UBE2D3: variants seen among roughly 807,000 people sequenced by gnomAD.
The protein encoded by UBE2D3 is ubiquitin conjugating enzyme E2 D3.
In UBE2D3, 2 loss-of-function variants were observed where a neutral mutation model predicts 22.8. The observed-to-expected ratio is 0.09, with a 90% CI of 0.04 to 0.28. The LOEUF (loss-of-function observed/expected upper bound fraction) is 0.28, where lower values mean the gene tolerates loss of function less well. UBE2D3 is among the 10% of genes least tolerant of loss of function. UBE2D3 has a pLI of 1.00. For synonymous variants in UBE2D3, 56 were observed against 60.4 expected (o/e 0.93, Z 0.34); for missense variants, 27 against 182.5 (o/e 0.15, Z 4.91).
intron 1 of UBE2D3, among the ~76,000 whole-genome samples, chr4:102,864,766 G>T (rs1011565728): frequency 1.4e-4 from 22 of 152,256 alleles, no homozygotes; most frequent in African/African-American, 4.8e-4. Flanking sequence ...AGCTTATCTT[G>T]CTAGATATTA....
upstream of UBE2D3, among the ~76,000 whole-genome samples, chr4:102,830,560 A>G (rs550776974): frequency 8.5e-5 from 13 of 152,330 alleles, no homozygotes; most frequent in South Asian, 2.5e-3. Context: ...ACATGAGAAA[A>G]TAGAAAGGAT....
rs112445335 is a variant in UBE2D3, at chr4:102,848,156, C to T, written c.-129+20559G>A. Among the ~76,000 whole-genome samples, 1,466 of 152,210 alleles carry T rather than the reference C, an allele frequency of 9.6e-3. 10 individuals are homozygous for T. The highest frequency in any genetic ancestry group is 0.014 in the Non-Finnish European group (925 of 68,002). On this transcript the variant is annotated intron_variant, in intron 1 of 7. Transcript: ENST00000338145. ...TAATCTTTATAATTACTATGGTTAT[C>T]ATGGTGATACACTCCTCACCTGCTT...
At chr4:102,832,236 C>A (rs1731152974), upstream of UBE2D3, among the ~76,000 whole-genome samples, 1 of 152,120 alleles carries the variant, frequency 6.6e-6, no homozygotes, top group African/African-American at 2.4e-5. Context: ...CATGCAAAGT[C>A]TCAGAGATGA....
upstream of UBE2D3, among the ~76,000 whole-genome samples, chr4:102,832,387 G>A (rs1269808059): frequency 6.6e-6 from 1 of 152,060 alleles, no homozygotes; most frequent in Non-Finnish European, 1.5e-5. Context: ...TGGAGATCTT[G>A]AGGGCCTTTT....
intron 1 of UBE2D3, among the ~76,000 whole-genome samples, chr4:102,850,049 CAAT>C (rs1732262246): frequency 1.3e-5 from 2 of 151,994 alleles, no homozygotes. Context: ...GAAATATCAA[CAAT>C]AAAATGGATA....
At chr4:102,843,063 T>G (rs1731849319) in intron 1 of UBE2D3, among the ~76,000 whole-genome samples, 1 of 152,100 alleles carries the variant, frequency 6.6e-6, no homozygotes, top group African/African-American at 2.4e-5. Flanking sequence ...TGAGCCGAGA[T>G]CTTGCCACTG....
chr4:102,796,850 T>C lies in UBE2D3; in HGVS notation c.*565A>G, dbSNP rs1310315036. On this transcript the variant is annotated 3_prime_UTR_variant, in exon 8 of 8. Transcript: ENST00000453744. Reference sequence around the variant, plus strand: ...AGAACAAGAACAGGTCATTCCTTTATTGACATGCATAAAATACATCACATT... The same window carrying C: ...AGAACAAGAACAGGTCATTCCTTTACTGACATGCATAAAATACATCACATT... 1 of 152,484 alleles carries C rather than the reference T, an allele frequency of 6.6e-6. No homozygotes were observed. Among genetic ancestry groups the C allele is most frequent in the African/African-American group, 2.4e-5 (1 of 41,440 alleles). The allele number at this position is 152,484 out of a possible 1,614,324, so 9.4% of individuals were successfully genotyped here. A position where few individuals can be genotyped will look rare whatever the true frequency, so the allele number is the denominator to read the frequency against.
chr4:102,857,159 T>C (rs1215712281), intron 1 of UBE2D3, among the ~76,000 whole-genome samples: 1 of 152,164 alleles, frequency 6.6e-6, no homozygotes, highest in Non-Finnish European at 1.5e-5. Flanking sequence ...GGGTGACATA[T>C]GGGAATCTGT....
chr4:102,809,973 C>A, intron 2 of UBE2D3, 118 bp from the exon 3 acceptor site: 1 of 947,056 alleles, frequency 1.1e-6, no homozygotes, highest in South Asian at 1.4e-5. Context: ...CATCACAATT[C>A]ACATAAATAA....
At chr4:102,820,640 T>G (rs973412070) in intron 2 of UBE2D3, among the ~76,000 whole-genome samples, 7 of 152,192 alleles carry the variant, frequency 4.6e-5, no homozygotes, top group African/African-American at 1.7e-4. Flanking sequence ...TTTGTAAGCA[T>G]TATTTAAAAA....
chr4:102,830,379 T>C (rs1731055747), upstream of UBE2D3, among the ~76,000 whole-genome samples: 1 of 152,196 alleles, frequency 6.6e-6, no homozygotes, highest in African/African-American at 2.4e-5. Context: ...AGAAAAAAAT[T>C]ATGGCTGTAA....
chr4:102,824,620 T>C (rs1042508784), intron 2 of UBE2D3, among the ~76,000 whole-genome samples: 1 of 152,248 alleles, frequency 6.6e-6, no homozygotes, highest in Non-Finnish European at 1.5e-5. Flanking sequence ...ATTGTCTCTC[T>C]AAAGCTTTTA....
At chr4:102,826,716 G>A in intron 1 of UBE2D3, 80 bp from the exon 2 acceptor site, 1 of 1,430,946 alleles carries the variant, frequency 7.0e-7, no homozygotes, top group Non-Finnish European at 9.1e-7. Context: ...TAAGACAGCC[G>A]CGATCCGGGG....
intron 2 of UBE2D3, chr4:102,825,882 C>T: frequency 2.3e-6 from 1 of 433,132 alleles, no homozygotes; most frequent in Non-Finnish European, 4.6e-6. Context: ...GAAGTGGCAA[C>T]ACTGTGTCAT....
chr4:102,831,560 A>ATAT (rs575066877), upstream of UBE2D3, among the ~76,000 whole-genome samples: 615 of 152,236 alleles, frequency 4.0e-3, 3 homozygotes, highest in African/African-American at 0.014. Context: ...GTATAATGGA[A>ATAT]TATTATTATT....
intron 1 of UBE2D3, among the ~76,000 whole-genome samples, chr4:102,855,686 G>A (rs1732586115): frequency 6.6e-6 from 1 of 152,150 alleles, no homozygotes; most frequent in African/African-American, 2.4e-5. Flanking sequence ...GCCTCCTGAA[G>A]TGCTGTGATT....
intron 2 of UBE2D3, among the ~76,000 whole-genome samples, chr4:102,822,510 G>T (rs1222476160): frequency 1.3e-5 from 2 of 152,178 alleles, no homozygotes; most frequent in African/African-American, 4.8e-5. Flanking sequence ...AATATTATTA[G>T]CCAAAATCTT....
chr4:102,820,931 G>A (rs1729504185), intron 2 of UBE2D3, among the ~76,000 whole-genome samples: 2 of 152,154 alleles, frequency 1.3e-5, no homozygotes, highest in Admixed American at 6.5e-5. Context: ...ATGAAAAGTT[G>A]AAGGTCTCTT....
upstream of UBE2D3, among the ~76,000 whole-genome samples, chr4:102,828,449 A>G (rs534807325): frequency 1.7e-4 from 26 of 152,148 alleles, no homozygotes; most frequent in Non-Finnish European, 3.1e-4. Flanking sequence ...GCTGAAGTCT[A>G]GTGCACGTCT....
Sources: gnomAD v4.1 joint callset for allele counts (sites outside exome capture counted in the v4.1 genomes callset) on GRCh38, gnomAD v4.1.1 for gene constraint, MANE v1.5 for transcripts, NCBI Gene and HGNC (gene_info 2026-07-23, HGNC 2026-07-21) for gene names.